The following CAMK4 variants were observed in gnomAD, a reference collection of about 807,000 sequenced individuals.
CAMK4 encodes calcium/calmodulin-dependent protein kinase type IV.
A neutral mutation model predicts 44.9 loss-of-function variants in CAMK4; 22 were observed. The observed-to-expected ratio is 0.49, with a 90% CI of 0.35 to 0.70. The LOEUF (loss-of-function observed/expected upper bound fraction) is 0.70, where lower values mean the gene tolerates loss of function less well. Ranked by LOEUF, CAMK4 falls within the 30% of genes least tolerant of loss-of-function variation. CAMK4 has a pLI of 0.01. For synonymous variants in CAMK4, 218 were observed against 215.4 expected, an observed-to-expected ratio of 1.01 and a Z score of -0.11; for missense variants, 498 against 586.8, an observed-to-expected ratio of 0.85 and a Z score of 1.56.
At chr5:111,343,148 C>G (rs548740114) in intron 1 of CAMK4, among the ~76,000 whole-genome samples, 3 of 151,748 alleles carry the variant, frequency 2.0e-5, no homozygotes, top group African/African-American at 7.2e-5. Context: ...TACAACACAC[C>G]AGTCTTTGAC....
chr5:111,286,869 T>C (rs138021267), intron 1 of CAMK4, among the ~76,000 whole-genome samples: 117 of 152,334 alleles, frequency 7.7e-4, no homozygotes, highest in African/African-American at 2.7e-3. Context: ...TGCTTAATGG[T>C]TGAACTTCTT....
At chr5:111,291,009 GT>G (rs1747230905) in intron 1 of CAMK4, among the ~76,000 whole-genome samples, 1 of 152,164 alleles carries the variant, frequency 6.6e-6, no homozygotes, top group Admixed American at 6.5e-5. Context: ...CAATGTTCTT[GT>G]GGTTTGTGTA....
At chr5:111,293,762 T>TTTTG in intron 1 of CAMK4, among the ~76,000 whole-genome samples, 2 of 147,924 alleles carry the variant, frequency 1.4e-5, no homozygotes, top group Non-Finnish European at 3.0e-5. Flanking sequence ...TTTTTTTTTT[T>TTTTG]TTGAGACGGA....
intron 7 of CAMK4, among the ~76,000 whole-genome samples, chr5:111,468,411 TGAA>T (rs1754922269): frequency 6.6e-6 from 1 of 152,238 alleles, no homozygotes; most frequent in Non-Finnish European, 1.5e-5. Flanking sequence ...AGAAAAGATA[TGAA>T]GGACAGCCAG....
intron 1 of CAMK4, among the ~76,000 whole-genome samples, chr5:111,281,990 C>T (rs1018516783): frequency 6.0e-5 from 9 of 150,882 alleles, no homozygotes; most frequent in East Asian, 3.9e-4. Context: ...CCCCAGGGGG[C>T]GGAGGCTGCA....
rs534667113 is a variant in CAMK4 at position 111,445,418 on chromosome 5, G to GT, written c.460-1262dup. On this transcript the variant is annotated intron_variant, in intron 5 of 10. Coordinates refer to ENST00000282356, the MANE Select transcript of CAMK4 (RefSeq NM_001744.6). Reference sequence around the variant, plus strand: ...ATATGTAGTCTTTTTTTTTGGTTTGGTTTTTTGTTTTTGTTTTTGTTTTCT... The same window carrying GT: ...ATATGTAGTCTTTTTTTTTGGTTTGGTTTTTTTGTTTTTGTTTTTGTTTTCT... Among the ~76,000 whole-genome samples the GT allele has an allele frequency of 3.6e-4, 54 of 151,782 alleles. No individual in the cohort carries two copies. In the East Asian group the frequency reaches 6.4e-3, roughly 18 times the overall value.
intron 2 of CAMK4, among the ~76,000 whole-genome samples, chr5:111,359,595 A>C (rs540035399): frequency 2.3e-4 from 35 of 152,002 alleles, no homozygotes; most frequent in Middle Eastern, 3.4e-3. Context: ...TATTAGATAC[A>C]TTTGTCAATT....
At chr5:111,443,279 TACACACACACACACACACACACAC>T (rs60644060) in intron 5 of CAMK4, among the ~76,000 whole-genome samples, 2 of 37,464 alleles carry the variant, frequency 5.3e-5, no homozygotes, top group Non-Finnish European at 1.1e-4. Context: ...TATATATATA[TACACACACACACACACACACACAC>T]ACACACACAC....
chr5:111,438,640 G>T (rs1403356626), intron 5 of CAMK4, among the ~76,000 whole-genome samples: 1 of 152,142 alleles, frequency 6.6e-6, no homozygotes, highest in African/African-American at 2.4e-5. Context: ...GTAGACAAAT[G>T]TGCTCAAAGA....
chr5:111,457,844 G>A (rs2112995073), intron 7 of CAMK4, among the ~76,000 whole-genome samples: 1 of 152,308 alleles, frequency 6.6e-6, no homozygotes. Flanking sequence ...ATCCAATCAA[G>A]TAAAGGACGA....
At chr5:111,231,472 T>C (rs1410914068) in intron 1 of CAMK4, among the ~76,000 whole-genome samples, 1 of 152,178 alleles carries the variant, frequency 6.6e-6, no homozygotes, top group Admixed American at 6.5e-5. Context: ...CTCTAAACAT[T>C]GTCAAATGTG....
chr5:111,316,360 C>A (rs1246450327), intron 1 of CAMK4, among the ~76,000 whole-genome samples: 1 of 152,194 alleles, frequency 6.6e-6, no homozygotes, highest in Non-Finnish European at 1.5e-5. Flanking sequence ...AACATTTAGT[C>A]TCACTCCACA....
chr5:111,253,759 A>T (rs1749621523), intron 1 of CAMK4, among the ~76,000 whole-genome samples: 1 of 152,258 alleles, frequency 6.6e-6, no homozygotes, highest in Middle Eastern at 3.4e-3. Context: ...TCATTTTTCA[A>T]TAGTAAGTGA....
intron 1 of CAMK4, among the ~76,000 whole-genome samples, chr5:111,337,640 T>G (rs1274998335): frequency 6.6e-6 from 1 of 151,050 alleles, no homozygotes; most frequent in East Asian, 2.0e-4. Flanking sequence ...GACTAGGTGG[T>G]CTTCAGTATG....
chr5:111,352,668 A>T (rs1365921554), intron 2 of CAMK4, among the ~76,000 whole-genome samples: 1 of 132,280 alleles, frequency 7.6e-6, no homozygotes, highest in Non-Finnish European at 1.6e-5. Flanking sequence ...AGAGAGGGAG[A>T]GGGAGGGAGG....
chr5:111,374,667 G>A (rs55663111), intron 2 of CAMK4, among the ~76,000 whole-genome samples, 183 bp from the exon 3 acceptor site: 4,428 of 152,198 alleles, frequency 0.029, 100 homozygotes, highest in South Asian at 0.063. Context: ...TGTATGTTAC[G>A]TCAGAAGCAG....
chr5:111,374,720 C>A, intron 2 of CAMK4, 130 bp from the exon 3 acceptor site: 1 of 630,622 alleles, frequency 1.6e-6, no homozygotes, highest in South Asian at 1.9e-5. Context: ...AGGAAGGAGA[C>A]ACACAAAAGC....
chr5:111,485,674 T>G lies in CAMK4; in HGVS notation c.*1208T>G, dbSNP rs1755587777. 1 of 152,132 alleles carries G rather than the reference T, an allele frequency of 6.6e-6. No individual in the cohort carries two copies. The highest frequency in any genetic ancestry group is 6.6e-5 in the Admixed American group (1 of 15,262). 9.4% of individuals were successfully genotyped at this position (152,132 alleles called of 1,614,324 possible). On this transcript the variant is annotated 3_prime_UTR_variant, in exon 11 of 11. Transcript: ENST00000282356. Reference sequence around the variant, plus strand: ...GTTGAGAATGTGGCTGCCAATAAATTTAGCACAATGCAATTTATTTACCTT... The same window carrying G: ...GTTGAGAATGTGGCTGCCAATAAATGTAGCACAATGCAATTTATTTACCTT...
chr5:111,429,935 A>G (rs1753378010), intron 5 of CAMK4, among the ~76,000 whole-genome samples: 1 of 141,036 alleles, frequency 7.1e-6, no homozygotes, highest in South Asian at 2.3e-4. Context: ...AAAAAAAAAT[A>G]GAAGAGGAGG....
Sources: gnomAD v4.1 joint callset for allele counts (sites outside exome capture counted in the v4.1 genomes callset) on GRCh38, gnomAD v4.1.1 for gene constraint, MANE v1.5 for transcripts, NCBI Gene and HGNC (gene_info 2026-07-23, HGNC 2026-07-21) for gene names.